TBC1D31: variants seen among roughly 807,000 people sequenced by gnomAD.
The protein encoded by TBC1D31 is TBC1 domain family member 31.
Under a neutral mutation model 132.9 loss-of-function variants are expected in TBC1D31, and 99 were observed. That is an observed-to-expected ratio of 0.74 (90% CI 0.63 to 0.88). TBC1D31 has a LOEUF of 0.88. Among genes scored for constraint, TBC1D31 ranks in the 40% least tolerant of loss-of-function variants. The probability of loss-of-function intolerance (pLI) is 0.00; values close to 1 mark genes in which losing one functional copy is unlikely to be tolerated. For synonymous variants in TBC1D31, 385 were observed against 419.4 expected, an observed-to-expected ratio of 0.92 and a Z score of 1.00; for missense variants, 1,134 against 1,256.6, an observed-to-expected ratio of 0.90 and a Z score of 1.48.
At chr8:123,092,778 T>TA (rs909350432) in intron 4 of TBC1D31, among the ~76,000 whole-genome samples, 33 of 149,858 alleles carry the variant, frequency 2.2e-4, no homozygotes, top group African/African-American at 7.7e-4. Context: ...GCCTCCTGAG[T>TA]AGCTGGGACT....
At chr8:123,110,065 G>A (rs1455358609) in intron 10 of TBC1D31, among the ~76,000 whole-genome samples, 2 of 152,184 alleles carry the variant, frequency 1.3e-5, no homozygotes, top group Admixed American at 6.5e-5. Context: ...TTTTACTCCA[G>A]CCTGGGCGAC....
Position 123,097,484 on chromosome 8 carries a change from A to C in TBC1D31, c.831+43A>C, listed in dbSNP as rs772223785. 40 of 1,592,824 alleles carry C rather than the reference A, an allele frequency of 2.5e-5. No homozygotes were observed. The Admixed American group carries it at 6.7e-4, about 27-fold the overall frequency. On this transcript the variant is annotated intron_variant, in intron 6 of 21. Coordinates refer to ENST00000287380, the MANE Select transcript of TBC1D31 (RefSeq NM_145647.4). Reference sequence around the variant, plus strand: ...AGGGCACTGTACTTTTTGAGAAAGAACGCATCCGTCTCTGAACTATATTAG... The same window carrying C: ...AGGGCACTGTACTTTTTGAGAAAGACCGCATCCGTCTCTGAACTATATTAG...
chr8:123,109,431 A>G (rs1317443254), intron 9 of TBC1D31, 35 bp downstream of exon 9: 7 of 1,609,208 alleles, frequency 4.3e-6, no homozygotes, highest in African/African-American at 2.7e-5. Context: ...CATCAGTTTT[A>G]CTCAAAAAAA....
At chr8:123,102,365 T>TA (rs1817521050) in intron 7 of TBC1D31, 2 of 299,402 alleles carry the variant, frequency 6.7e-6, no homozygotes, top group South Asian at 2.6e-5. Flanking sequence ...CACCTTTTTT[T>TA]ATTCTAAAAA....
At chr8:123,157,060 A>G (rs536443528), downstream of TBC1D31, among the ~76,000 whole-genome samples, 1 of 152,286 alleles carries the variant, frequency 6.6e-6, no homozygotes, top group Admixed American at 6.5e-5. Context: ...TTTCCTGGAC[A>G]CTCGGGCCGC....
At position 123,126,111 on chromosome 8, in the gene TBC1D31, T is replaced by C. The variant is rs1196097647; in HGVS notation, c.1626T>C (p.Leu542=). Residue 542 remains leucine, a synonymous_variant, in exon 12 of 22, where the codon CTT becomes CTC. Coordinates refer to ENST00000287380, the MANE Select transcript of TBC1D31 (RefSeq NM_145647.4). ...EYFPNPPINI[L]SMIENVLAFH... The stretch of plus-strand genomic sequence containing the variant: ...TTCCTAATCCTCCTATCAATATTCT[T>C]AGCATGATAGAAAATGTTTTGGCAT... 6.2e-7 allele frequency: 1 copy of C among 1,612,006 alleles called. No individual in the cohort carries two copies. Among genetic ancestry groups the C allele is most frequent in the Middle Eastern group, 1.7e-4 (1 of 6,050 alleles).
Position 123,152,062 on chromosome 8 carries a change from T to C in TBC1D31, c.*123T>C. The C allele has an allele frequency of 2.1e-6, 2 of 967,366 alleles. No individual in the cohort carries two copies. The highest frequency in any genetic ancestry group is 2.7e-6 in the Non-Finnish European group (2 of 731,594). 59.9% of individuals were successfully genotyped at this position (967,366 alleles called of 1,614,324 possible). A position where few individuals can be genotyped will look rare whatever the true frequency, so the allele number is the denominator to read the frequency against. ...CCCTTTGTACAGAAAAATGTGTCTA[T>C]AAAAATTATGTGTTATTTAATTCTG... On this transcript the variant is annotated 3_prime_UTR_variant, in exon 22 of 22. Transcript: ENST00000287380.
At chr8:123,158,187 C>T in the TBC1D31 span, among the ~76,000 whole-genome samples, 11 of 151,976 alleles carry the variant, frequency 7.2e-5, no homozygotes, top group Non-Finnish European at 1.2e-4. Context: ...CTAAAGGAAA[C>T]TGCGTGCCCC....
chr8:123,098,231 C>T (rs1817024724), intron 6 of TBC1D31, among the ~76,000 whole-genome samples: 1 of 152,190 alleles, frequency 6.6e-6, no homozygotes. Context: ...CCCCCCATAT[C>T]CACTGTTGTT....
At chr8:123,076,964 G>C in intron 1 of TBC1D31, 147 bp from the exon 2 acceptor site, 1 of 645,180 alleles carries the variant, frequency 1.5e-6, no homozygotes, top group Non-Finnish European at 2.5e-6. Context: ...TGAAATCCTG[G>C]TAAGATTGAT....
At chr8:123,146,827 G>A (rs1822261980) in intron 20 of TBC1D31, among the ~76,000 whole-genome samples, 1 of 152,046 alleles carries the variant, frequency 6.6e-6, no homozygotes, top group African/African-American at 2.4e-5. Context: ...TGGGACTACA[G>A]GCGCATGCCA....
At chr8:123,084,757 T>C (rs1372678170) in intron 4 of TBC1D31, among the ~76,000 whole-genome samples, 1 of 151,086 alleles carries the variant, frequency 6.6e-6, no homozygotes, top group African/African-American at 2.4e-5. Context: ...TACTCTCTTA[T>C]GGGTCTATCC....
intron 1 of TBC1D31, among the ~76,000 whole-genome samples, chr8:123,076,821 A>T (rs1278315586): frequency 6.6e-6 from 1 of 152,164 alleles, no homozygotes; most frequent in Non-Finnish European, 1.5e-5. Context: ...TGTAAGTGCC[A>T]TGAAAGCAGG....
At chr8:123,147,462 G>T (rs562223214) in intron 20 of TBC1D31, among the ~76,000 whole-genome samples, 1 of 152,112 alleles carries the variant, frequency 6.6e-6, no homozygotes, top group African/African-American at 2.4e-5. Context: ...GTGATCCACC[G>T]CACCCAGCCT....
chr8:123,095,485 A>G (rs1816756676), intron 5 of TBC1D31, among the ~76,000 whole-genome samples: 1 of 152,212 alleles, frequency 6.6e-6, no homozygotes, highest in Non-Finnish European at 1.5e-5. Flanking sequence ...TAGTTTTTGA[A>G]GTAATGAATT....
chr8:123,158,047 A>T, the TBC1D31 span, among the ~76,000 whole-genome samples: 1 of 144,970 alleles, frequency 6.9e-6, no homozygotes, highest in Non-Finnish European at 1.5e-5. Flanking sequence ...TTGCTGTTCA[A>T]ACAGGACTTC....
In TBC1D31 at chr8:123,105,334, A is replaced by G. The variant is rs776124754; in HGVS notation, c.1079A>G (p.Lys360Arg). The G allele has an allele frequency of 1.1e-5, 18 of 1,602,786 alleles. No homozygotes were observed. The South Asian group carries it at 2.0e-4, about 18-fold the overall frequency. ...GTTATTGAAGATTTGCCCAAGAATA[A>G]ACTGAGTTCCAGTGATCTTAAGATG... ...VKVIEDLPKN[K>R]LSSSDLKMKV... The change falls in exon 8 of 22, where the codon AAA (lysine) becomes AGA (arginine). Residue 360 changes from lysine to arginine, a missense_variant. Coordinates refer to ENST00000287380, the MANE Select transcript of TBC1D31 (RefSeq NM_145647.4).
intron 7 of TBC1D31, chr8:123,103,991 TTTC>T (rs1301307368): frequency 5.3e-5 from 8 of 152,204 alleles, no homozygotes; most frequent in Non-Finnish European, 1.0e-4. Flanking sequence ...CCAGTTTTAT[TTTC>T]TTGTCATTGG....
chr8:123,104,620 G>A (rs1407586234), intron 7 of TBC1D31, among the ~76,000 whole-genome samples: 2 of 152,114 alleles, frequency 1.3e-5, no homozygotes, highest in Non-Finnish European at 2.9e-5. Context: ...AGAGAATATT[G>A]TTTATGGAGA....
Sources: gnomAD v4.1 joint callset for allele counts (sites outside exome capture counted in the v4.1 genomes callset) on GRCh38, gnomAD v4.1.1 for gene constraint, MANE v1.5 for transcripts, NCBI Gene and HGNC (gene_info 2026-07-23, HGNC 2026-07-21) for gene names.